The following FBXL5 variants were observed in gnomAD, a reference collection of about 807,000 sequenced individuals.
The protein encoded by FBXL5 is F-box and leucine rich repeat protein 5.
FBXL5 carries 26 observed loss-of-function variants against 78.3 expected under a neutral mutation model. That is an observed-to-expected ratio of 0.33 (90% CI 0.24 to 0.46). The LOEUF is 0.46. Among genes scored for constraint, FBXL5 ranks in the 20% least tolerant of loss-of-function variants. FBXL5 has a pLI of 1.00. For missense variants in FBXL5, 710 were observed against 829.2 expected (o/e 0.86, Z 1.77); for synonymous variants, 295 against 282.5 (o/e 1.04, Z -0.45).
At chr4:15,638,904 C>T (rs1303327179) in intron 3 of FBXL5, among the ~76,000 whole-genome samples, 1 of 152,176 alleles carries the variant, frequency 6.6e-6, no homozygotes, top group Non-Finnish European at 1.5e-5. Flanking sequence ...GTGGCTAACA[C>T]CTGTAATCCC....
At position 15,638,612 on chromosome 4, in the gene FBXL5, G is replaced by C; in HGVS notation, c.479C>G (p.Ser160Cys). 1 of 1,613,454 alleles carries C rather than the reference G, an allele frequency of 6.2e-7. No homozygotes were observed. Reference sequence around the variant, plus strand: ...AAGGAGTTCTGCAGTATCCTTCTGAGAGCAGTGTTGTGCAATCACTTTCTT... The same window carrying C: ...AAGGAGTTCTGCAGTATCCTTCTGACAGCAGTGTTGTGCAATCACTTTCTT... ...IKKKVIAQHC[S>C]QKDTAELLRG... Residue 160 changes from serine (S) to cysteine (C), a missense_variant, in exon 4 of 11, where the codon TCT becomes TGT. By Grantham distance (112) the Ser-to-Cys change is moderately radical. Transcript: ENST00000341285.
intron 1 of FBXL5, among the ~76,000 whole-genome samples, chr4:15,676,999 A>C (rs1364810319): frequency 2.0e-5 from 3 of 152,206 alleles, no homozygotes; most frequent in African/African-American, 7.2e-5. Context: ...AAACCACTGA[A>C]AGCATACATG....
At position 15,605,660 on chromosome 4, in the gene FBXL5, G is replaced by T; in HGVS notation, c.*63C>A. 7.1e-7 allele frequency: 1 copy of T among 1,401,026 alleles called. No homozygotes were observed. The highest frequency in any genetic ancestry group is 1.0e-6 in the Non-Finnish European group (1 of 992,140). 86.8% of individuals were successfully genotyped at this position (1,401,026 alleles called of 1,614,324 possible). ...GGTTAACACAAGAAATGTGCTATGAGTAAAGTGCATGAAAGAAAGCCTGCT... is the reference window on the plus strand; with the variant it reads ...GGTTAACACAAGAAATGTGCTATGATTAAAGTGCATGAAAGAAAGCCTGCT... On this transcript the variant is annotated 3_prime_UTR_variant, in exon 11 of 11. Coordinates refer to ENST00000341285, the MANE Select transcript of FBXL5 (RefSeq NM_012161.4).
At chr4:15,679,148 C>A (rs963605709) in intron 1 of FBXL5, among the ~76,000 whole-genome samples, 3 of 151,044 alleles carry the variant, frequency 2.0e-5, no homozygotes, top group African/African-American at 7.3e-5. Context: ...CTGCAACCTC[C>A]GCCTCCTGGG....
chr4:15,615,690 C>T (rs1036513188), intron 9 of FBXL5, among the ~76,000 whole-genome samples: 2 of 150,726 alleles, frequency 1.3e-5, no homozygotes, highest in African/African-American at 4.9e-5. Flanking sequence ...ACCTGTGTGA[C>T]GAAACTCTGT....
upstream of FBXL5, among the ~76,000 whole-genome samples, chr4:15,664,857 C>G (rs140503204): frequency 5.0e-4 from 76 of 152,224 alleles, no homozygotes; most frequent in African/African-American, 1.8e-3. Context: ...CCACTCCTGT[C>G]CTGCTCATCT....
At chr4:15,631,777 T>C (rs534405837) in intron 5 of FBXL5, among the ~76,000 whole-genome samples, 1 of 152,302 alleles carries the variant, frequency 6.6e-6, no homozygotes, top group East Asian at 1.9e-4. Flanking sequence ...TTTTTTTTCT[T>C]GTACATTTGT....
At chr4:15,634,462 T>C (rs1427107013) in intron 5 of FBXL5, among the ~76,000 whole-genome samples, 2 of 151,618 alleles carry the variant, frequency 1.3e-5, no homozygotes, top group African/African-American at 4.9e-5. Flanking sequence ...GCCTCCCGGG[T>C]TCAAGCAATT....
intron 9 of FBXL5, among the ~76,000 whole-genome samples, chr4:15,619,571 C>T (rs376902653): frequency 1.7e-4 from 19 of 114,120 alleles, no homozygotes; most frequent in African/African-American, 6.1e-4. Flanking sequence ...GTGAAAGATA[C>T]AAGCTTTTCC....
At chr4:15,612,607 T>A (rs1722344759) in intron 9 of FBXL5, among the ~76,000 whole-genome samples, 193 bp from the exon 10 acceptor site, 1 of 152,148 alleles carries the variant, frequency 6.6e-6, no homozygotes, top group African/African-American at 2.4e-5. Context: ...GTTCAACATT[T>A]TTCCTAACAA....
intron 7 of FBXL5, among the ~76,000 whole-genome samples, 174 bp from the exon 8 acceptor site, chr4:15,627,129 C>T (rs1431450004): frequency 1.2e-5 from 1 of 85,684 alleles, no homozygotes; most frequent in Non-Finnish European, 2.2e-5. Context: ...CCCTGAGAAT[C>T]TCTTTTTTTT....
intron 1 of FBXL5, among the ~76,000 whole-genome samples, chr4:15,650,847 G>A (rs952106236): frequency 6.6e-6 from 1 of 151,614 alleles, no homozygotes; most frequent in African/African-American, 2.4e-5. Flanking sequence ...TGGCCAGGCT[G>A]GTCTTGAACT....
At chr4:15,654,876 G>A (rs1445486793) in intron 1 of FBXL5, among the ~76,000 whole-genome samples, 1 of 152,152 alleles carries the variant, frequency 6.6e-6, no homozygotes, top group Non-Finnish European at 1.5e-5. Flanking sequence ...CTTAGAGGCA[G>A]CAGCGGGAGT....
chr4:15,676,235 A>G (rs1717987219), intron 1 of FBXL5, among the ~76,000 whole-genome samples: 1 of 152,234 alleles, frequency 6.6e-6, no homozygotes, highest in South Asian at 2.1e-4. Flanking sequence ...ATATGATGCA[A>G]TAGGATGTTT....
At chr4:15,657,646 T>A (rs1717068196), upstream of FBXL5, among the ~76,000 whole-genome samples, 1 of 152,266 alleles carries the variant, frequency 6.6e-6, no homozygotes, top group Non-Finnish European at 1.5e-5. Context: ...AAAGTGATTT[T>A]AAAAATAATC....
At chr4:15,649,260 C>T (rs1225185117) in intron 1 of FBXL5, among the ~76,000 whole-genome samples, 1 of 151,884 alleles carries the variant, frequency 6.6e-6, no homozygotes, top group African/African-American at 2.4e-5. Flanking sequence ...AACCCGGTAC[C>T]TAAAGTTAGT....
intron 5 of FBXL5, among the ~76,000 whole-genome samples, chr4:15,631,912 T>C (rs1713713183): frequency 6.6e-6 from 1 of 152,214 alleles, no homozygotes; most frequent in South Asian, 2.1e-4. Context: ...CAGAAGCCTT[T>C]AGTTTAATTA....
chr4:15,635,860 A>G (rs1028766647), intron 5 of FBXL5, among the ~76,000 whole-genome samples: 7 of 151,816 alleles, frequency 4.6e-5, no homozygotes, highest in African/African-American at 1.7e-4. Context: ...TAACTGCATT[A>G]TATGTTGATG....
Position 15,605,665 on chromosome 4 carries a change from G to C in FBXL5, c.*58C>G, listed in dbSNP as rs1039743258. On this transcript the variant is annotated 3_prime_UTR_variant, in exon 11 of 11. Coordinates refer to ENST00000341285, the MANE Select transcript of FBXL5 (RefSeq NM_012161.4). Reference sequence around the variant, plus strand: ...ACACAAGAAATGTGCTATGAGTAAAGTGCATGAAAGAAAGCCTGCTCAGCT... The same window carrying C: ...ACACAAGAAATGTGCTATGAGTAAACTGCATGAAAGAAAGCCTGCTCAGCT... 2 of 1,434,174 alleles carry C rather than the reference G, an allele frequency of 1.4e-6. No homozygotes were observed. Among genetic ancestry groups the C allele is most frequent in the Non-Finnish European group, 2.0e-6 (2 of 1,020,412 alleles). The allele number at this position is 1,434,174 out of a possible 1,614,324, so 88.8% of individuals were successfully genotyped here.
Sources: gnomAD v4.1 joint callset for allele counts (sites outside exome capture counted in the v4.1 genomes callset) on GRCh38, gnomAD v4.1.1 for gene constraint, MANE v1.5 for transcripts, NCBI Gene and HGNC (gene_info 2026-07-23, HGNC 2026-07-21) for gene names.